The following RANBP2 variants were observed in gnomAD, a reference collection of about 807,000 sequenced individuals.
The protein encoded by RANBP2 is RAN binding protein 2.
RANBP2 carries 57 observed loss-of-function variants against 303.6 expected under a neutral mutation model. The ratio of observed to expected loss-of-function variants is 0.19; its 90% CI spans 0.15 to 0.23. RANBP2 has a LOEUF of 0.23. RANBP2 is among the 10% of genes least tolerant of loss of function. RANBP2 has a pLI of 1.00. For missense variants in RANBP2, 3,138 were observed against 3,780.8 expected (o/e 0.83, Z 4.46); for synonymous variants, 1,167 against 1,301.5 (o/e 0.90, Z 2.23).
At chr2:108,848,242 C>T in the RANBP2 span, among the ~76,000 whole-genome samples, 1 of 151,870 alleles carries the variant, frequency 6.6e-6, no homozygotes, top group African/African-American at 2.4e-5. Context: ...TGATAATATG[C>T]TAAGAAAAGC....
the RANBP2 span, among the ~76,000 whole-genome samples, chr2:109,249,162 G>A: frequency 9.9e-5 from 15 of 152,154 alleles, no homozygotes; most frequent in East Asian, 2.9e-3. Flanking sequence ...GATTACAGGT[G>A]TGGGCCACCA....
At chr2:109,450,895 G>C in the RANBP2 span, among the ~76,000 whole-genome samples, 1 of 152,202 alleles carries the variant, frequency 6.6e-6, no homozygotes, top group South Asian at 2.1e-4. Flanking sequence ...ATTAGTCTTT[G>C]GATCACCCTG....
chr2:108,811,395 C>T, the RANBP2 span, among the ~76,000 whole-genome samples: 258 of 151,904 alleles, frequency 1.7e-3, 2 homozygotes, highest in African/African-American at 4.5e-3. Flanking sequence ...CAGGCATGCA[C>T]CACCACCTCT....
At chr2:109,557,769 GATTT>G in the RANBP2 span, among the ~76,000 whole-genome samples, 2 of 151,790 alleles carry the variant, frequency 1.3e-5, no homozygotes, top group African/African-American at 2.4e-5. Flanking sequence ...TCTTATCATA[GATTT>G]ATTAAATAAA....
At chr2:109,394,199 G>T in the RANBP2 span, among the ~76,000 whole-genome samples, 1 of 152,350 alleles carries the variant, frequency 6.6e-6, no homozygotes, top group South Asian at 2.1e-4. Flanking sequence ...AAGTGGTTGT[G>T]GAAGAAAATC....
the RANBP2 span, among the ~76,000 whole-genome samples, chr2:109,652,371 C>T: frequency 1.3e-5 from 2 of 151,524 alleles, no homozygotes; most frequent in Admixed American, 6.6e-5. Flanking sequence ...TACAGGCACC[C>T]GCCACCACGC....
the RANBP2 span, among the ~76,000 whole-genome samples, chr2:109,088,126 C>T: frequency 7.6e-4 from 115 of 151,990 alleles, no homozygotes; most frequent in Non-Finnish European, 1.1e-3. Context: ...AGGCCGGGTA[C>T]GGTGGCTCAC....
the RANBP2 span, among the ~76,000 whole-genome samples, chr2:109,393,739 G>C: frequency 6.6e-6 from 1 of 152,010 alleles, no homozygotes; most frequent in Non-Finnish European, 1.5e-5. Context: ...CTCCACTCTG[G>C]GTCAGTGCAG....
the RANBP2 span, chr2:109,545,077 A>T: frequency 3.0e-6 from 3 of 985,446 alleles, no homozygotes; most frequent in Non-Finnish European, 3.6e-6. Flanking sequence ...GAGTTGCAAT[A>T]TTCTGAAAAT....
the RANBP2 span, among the ~76,000 whole-genome samples, chr2:109,392,944 A>G: frequency 6.6e-6 from 1 of 152,178 alleles, no homozygotes; most frequent in Admixed American, 6.5e-5. Context: ...AGGGCGAAGG[A>G]ACCAGTGTCA....
At chr2:109,106,791 C>T in the RANBP2 span, among the ~76,000 whole-genome samples, 3 of 151,848 alleles carry the variant, frequency 2.0e-5, no homozygotes, top group South Asian at 2.1e-4. Context: ...GAGCCAAGAT[C>T]GCACCACTGC....
chr2:108,977,343 A>T, the RANBP2 span, among the ~76,000 whole-genome samples: 176 of 152,168 alleles, frequency 1.2e-3, 1 homozygote, highest in Middle Eastern at 0.017. Flanking sequence ...ATCTCGGCTC[A>T]CTGCAAGCTG....
intron 15 of RANBP2, among the ~76,000 whole-genome samples, 189 bp from the exon 16 acceptor site, chr2:108,754,713 AAAT>A (rs142977803): frequency 0.039 from 5,888 of 152,122 alleles, 137 homozygotes; most frequent in African/African-American, 0.053. Context: ...TAAAGGCAAA[AAAT>A]AATAATAATA....
the RANBP2 span, among the ~76,000 whole-genome samples, chr2:109,589,855 T>C: frequency 1.3e-5 from 2 of 152,062 alleles, no homozygotes; most frequent in Non-Finnish European, 2.9e-5. Context: ...AGATTCCAAA[T>C]ATCAAACAAG....
chr2:108,945,696 C>T, the RANBP2 span, among the ~76,000 whole-genome samples: 2 of 152,198 alleles, frequency 1.3e-5, no homozygotes, highest in Non-Finnish European at 2.9e-5. Context: ...CAAAGTATGG[C>T]ATATGCACAC....
At chr2:109,117,580 C>T in the RANBP2 span, among the ~76,000 whole-genome samples, 51 of 152,352 alleles carry the variant, frequency 3.3e-4, no homozygotes, top group South Asian at 4.1e-4. Context: ...TGACCCCTTG[C>T]GCTTCCCGAG....
the RANBP2 span, among the ~76,000 whole-genome samples, chr2:109,020,264 C>T: frequency 1.3e-5 from 2 of 152,172 alleles, no homozygotes; most frequent in Admixed American, 1.3e-4. Context: ...GTTTCCAGCT[C>T]TGTTAAAAGA....
chr2:109,334,972 G>A, the RANBP2 span, among the ~76,000 whole-genome samples: 1 of 152,246 alleles, frequency 6.6e-6, no homozygotes, highest in Non-Finnish European at 1.5e-5. Context: ...CCCAGGCCAT[G>A]CGTCCTGGTG....
At chr2:108,831,121 G>A in the RANBP2 span, among the ~76,000 whole-genome samples, 3 of 152,122 alleles carry the variant, frequency 2.0e-5, no homozygotes, top group Non-Finnish European at 4.4e-5. Context: ...GTTTCAGTGA[G>A]CCAAGATCAT....
Sources: allele counts gnomAD v4.1 joint callset (sites outside exome capture counted in the v4.1 genomes callset), GRCh38; gene constraint gnomAD v4.1.1; transcripts MANE v1.5; gene names NCBI Gene and HGNC (gene_info 2026-07-23, HGNC 2026-07-21).